The following RBM47 variants were observed in gnomAD, a reference collection of about 807,000 sequenced individuals.
RBM47 encodes RNA binding motif protein 47.
A neutral mutation model predicts 47.1 loss-of-function variants in RBM47; 21 were observed. The observed-to-expected ratio is 0.45, with a 90% CI of 0.32 to 0.64. The LOEUF (loss-of-function observed/expected upper bound fraction) is 0.64. RBM47 is among the 30% of genes least tolerant of loss of function. The pLI is 0.05. For missense variants in RBM47, 708 were observed against 870.9 expected (o/e 0.81, Z 2.35); for synonymous variants, 375 against 361.7 (o/e 1.04, Z -0.42).
At chr4:40,538,553 T>C (rs1370042355) in intron 2 of RBM47, among the ~76,000 whole-genome samples, 1 of 152,078 alleles carries the variant, frequency 6.6e-6, no homozygotes, top group East Asian at 1.9e-4. Flanking sequence ...TCTCGATCTT[T>C]TGACCTTGTG....
intron 2 of RBM47, among the ~76,000 whole-genome samples, chr4:40,488,852 A>G (rs1348049385): frequency 6.6e-6 from 1 of 152,196 alleles, no homozygotes; most frequent in African/African-American, 2.4e-5. Context: ...CACATATGCT[A>G]TTTCATTTAA....
intron 2 of RBM47, among the ~76,000 whole-genome samples, chr4:40,520,930 G>A (rs767859136): frequency 7.2e-5 from 11 of 152,102 alleles, no homozygotes; most frequent in South Asian, 2.1e-4. Context: ...GAGGCTCCAC[G>A]GTTCTTAAAA....
intron 5 of RBM47, among the ~76,000 whole-genome samples, chr4:40,433,407 G>C (rs1711680150): frequency 6.6e-6 from 1 of 152,220 alleles, no homozygotes; most frequent in Non-Finnish European, 1.5e-5. Context: ...TGTTGTGGAA[G>C]AGACCCCTAG....
At chr4:40,529,688 G>A (rs1475656337) in intron 2 of RBM47, among the ~76,000 whole-genome samples, 3 of 150,336 alleles carry the variant, frequency 2.0e-5, no homozygotes, top group Non-Finnish European at 4.4e-5. Flanking sequence ...AATTAGCCAG[G>A]TGTGGTGGCA....
rs1560456265 is a variant in RBM47, at chr4:40,540,658, AAT to A, written c.-155+3762_-155+3763del. Among the ~76,000 whole-genome samples the A allele has an allele frequency of 1.9e-3, 190 of 99,378 alleles. 6 individuals are homozygous for A. Among genetic ancestry groups the A allele is most frequent in the African/African-American group, 0.016 (177 of 10,972 alleles). The allele number at this position is 99,378 out of a possible 152,430, so 65.2% of individuals were successfully genotyped here. ...TGTCTCAAAAAAAAAAAAAAATAATAATAATAATAATAATAATAATAAATGGG... is the reference window on the plus strand; with the variant it reads ...TGTCTCAAAAAAAAAAAAAAATAATAAATAATAATAATAATAATAAATGGG... On this transcript the variant is annotated intron_variant, in intron 2 of 6. Coordinates refer to ENST00000295971, the MANE Select transcript of RBM47 (RefSeq NM_001098634.2).
intron 2 of RBM47, among the ~76,000 whole-genome samples, chr4:40,494,656 T>G (rs1722336286): frequency 6.6e-6 from 1 of 152,120 alleles, no homozygotes; most frequent in Admixed American, 6.5e-5. Context: ...TGCTTTCTCC[T>G]GTGCACTCAC....
At chr4:40,568,549 C>T (rs182792502) in intron 1 of RBM47, among the ~76,000 whole-genome samples, 49 of 150,432 alleles carry the variant, frequency 3.3e-4, no homozygotes, top group African/African-American at 1.1e-3. Context: ...TGTTGCCCTC[C>T]AAAAACAAAA....
At chr4:40,513,085 C>T (rs1725156462) in intron 2 of RBM47, among the ~76,000 whole-genome samples, 1 of 152,196 alleles carries the variant, frequency 6.6e-6, no homozygotes, top group Non-Finnish European at 1.5e-5. Flanking sequence ...TTAACCTCTA[C>T]AATTGTTAGA....
chr4:40,442,759 C>A (rs1310947752), intron 3 of RBM47, among the ~76,000 whole-genome samples: 3 of 152,026 alleles, frequency 2.0e-5, no homozygotes, highest in South Asian at 4.1e-4. Context: ...CTCACTGCAA[C>A]CTCCACCTCT....
At chr4:40,528,033 ATACT>A (rs1726920013) in intron 2 of RBM47, among the ~76,000 whole-genome samples, 2 of 152,220 alleles carry the variant, frequency 1.3e-5, no homozygotes, top group African/African-American at 2.4e-5. Flanking sequence ...AATTCAACAA[ATACT>A]TACGAAGTAT....
At chr4:40,478,295 C>A (rs894340455) in intron 2 of RBM47, among the ~76,000 whole-genome samples, 1 of 152,016 alleles carries the variant, frequency 6.6e-6, no homozygotes, top group Non-Finnish European at 1.5e-5. Flanking sequence ...GATTATAGGC[C>A]TGAGCCACCA....
chr4:40,507,974 G>A (rs539222482), intron 2 of RBM47, among the ~76,000 whole-genome samples: 4 of 151,002 alleles, frequency 2.6e-5, no homozygotes, highest in Admixed American at 1.3e-4. Flanking sequence ...GCTGAGGCAG[G>A]AGAATAGCTT....
At chr4:40,470,971 G>C (rs1718772757) in intron 2 of RBM47, among the ~76,000 whole-genome samples, 1 of 152,118 alleles carries the variant, frequency 6.6e-6, no homozygotes. Context: ...CTGAACGCCT[G>C]ACCTCAAGTG....
chr4:40,488,017 G>C (rs1721347716), intron 2 of RBM47, among the ~76,000 whole-genome samples: 1 of 148,622 alleles, frequency 6.7e-6, no homozygotes. Flanking sequence ...TAGGGGTGAG[G>C]GAAAGAAAGA....
At chr4:40,498,451 G>A (rs1046281019) in intron 2 of RBM47, among the ~76,000 whole-genome samples, 13 of 151,916 alleles carry the variant, frequency 8.6e-5, no homozygotes, top group Non-Finnish European at 8.8e-5. Context: ...AATCCCTGCG[G>A]GGGGATCACC....
chr4:40,576,775 G>A (rs140307932), intron 1 of RBM47, among the ~76,000 whole-genome samples: 1 of 152,254 alleles, frequency 6.6e-6, no homozygotes, highest in African/African-American at 2.4e-5. Flanking sequence ...TCACTTTCTA[G>A]ATACTTTAAA....
intron 2 of RBM47, among the ~76,000 whole-genome samples, chr4:40,472,868 G>A (rs990923145): frequency 1.4e-4 from 21 of 152,016 alleles, no homozygotes; most frequent in Non-Finnish European, 2.6e-4. Context: ...TTTGCCATGT[G>A]ACAGCAAATC....
intron 3 of RBM47, among the ~76,000 whole-genome samples, chr4:40,463,902 T>C (rs1041730210): frequency 1.3e-5 from 2 of 152,072 alleles, no homozygotes; most frequent in Non-Finnish European, 1.5e-5. Context: ...CCATATATGA[T>C]GCGTGGGGAT....
At chr4:40,605,741 G>A (rs1578057267) in intron 1 of RBM47, among the ~76,000 whole-genome samples, 1 of 151,868 alleles carries the variant, frequency 6.6e-6, no homozygotes, top group Non-Finnish European at 1.5e-5. Flanking sequence ...TGAGGAAGGA[G>A]AATCACTTGA....
Sources: allele counts gnomAD v4.1 joint callset (sites outside exome capture counted in the v4.1 genomes callset), GRCh38; gene constraint gnomAD v4.1.1; transcripts MANE v1.5; gene names NCBI Gene and HGNC (gene_info 2026-07-23, HGNC 2026-07-21).